Variants in DOCK1 observed in about 807,000 individuals in gnomAD.
DOCK1 encodes the protein dedicator of cytokinesis protein 1.
Under a neutral mutation model 262.7 loss-of-function variants are expected in DOCK1, and 138 were observed. That is an observed-to-expected ratio of 0.53 (90% confidence interval 0.46 to 0.61). DOCK1 has a LOEUF of 0.61. Among genes scored for constraint, DOCK1 ranks in the 20% least tolerant of loss-of-function variants. DOCK1 has a pLI of 0.00. For missense variants in DOCK1, 1,908 were observed against 2,370.7 expected, an observed-to-expected ratio of 0.80 and a Z score of 4.05; for synonymous variants, 866 against 867.4, an observed-to-expected ratio of 1.00 and a Z score of 0.03.
chr10:127,095,661 C>CTGTGTGTGTG lies in DOCK1; in HGVS notation c.2446-10549_2446-10540dup, dbSNP rs61224822. Among the ~76,000 whole-genome samples, 983 of 148,176 alleles carry CTGTGTGTGTG rather than the reference C, an allele frequency of 6.6e-3. 9 individuals carry two copies. Among genetic ancestry groups the CTGTGTGTGTG allele is most frequent in the East Asian group, 0.02 (98 of 4,970 alleles). On this transcript the variant is annotated intron_variant, in intron 23 of 51. Coordinates refer to ENST00000623213, the MANE Select transcript of DOCK1 (RefSeq NM_001290223.2). Reference sequence around the variant, plus strand: ...TGACACAACCACGTGGGCCAGGAAGCTGTGTGTGTGTGTGTGTGTGTGTGT... The same window carrying CTGTGTGTGTG: ...TGACACAACCACGTGGGCCAGGAAGCTGTGTGTGTGTGTGTGTGTGTGTGTGTGTGTGTGT...
chr10:127,261,902 ATGTG>A lies in DOCK1; in HGVS notation c.3044+4481_3044+4484del, dbSNP rs542700042. Among the ~76,000 whole-genome samples, 27 of 62,580 alleles carry A rather than the reference ATGTG, an allele frequency of 4.3e-4. No homozygotes were observed. The South Asian group carries it at 0.011, about 25-fold the overall frequency. The allele number at this position is 62,580 out of a possible 152,430, so 41.1% of individuals were successfully genotyped here. A position where few individuals can be genotyped will look rare whatever the true frequency, so the allele number is the denominator to read the frequency against. ...TACCCGTGCTCATCTGTGTGTGTGC[ATGTG>A]TGTGTGTACCCGTGCTCATCTGTGT... On this transcript the variant is annotated intron_variant, in intron 29 of 51. Coordinates refer to ENST00000623213, the MANE Select transcript of DOCK1 (RefSeq NM_001290223.2).
At position 127,126,590 on chromosome 10, in the gene DOCK1, G is replaced by T. The variant is rs1238560518; in HGVS notation, c.2751+989G>T. 2.0e-5 allele frequency among the ~76,000 whole-genome samples: 3 copies of T among 152,228 alleles called. No homozygotes were observed. In the East Asian group the frequency reaches 5.8e-4, roughly 30 times the overall value. Reference sequence around the variant, plus strand: ...TAGAAAATGAAAGAAAAAATAAAAAGCAAGTTTGTGCCAGCACATATGGAA... The same window carrying T: ...TAGAAAATGAAAGAAAAAATAAAAATCAAGTTTGTGCCAGCACATATGGAA... On this transcript the variant is annotated intron_variant, in intron 26 of 51. Coordinates refer to ENST00000623213, the MANE Select transcript of DOCK1 (RefSeq NM_001290223.2).
rs997881019 is a variant in DOCK1, at chr10:127,195,842, C to T, written c.2848-52166C>T. 2.6e-5 allele frequency among the ~76,000 whole-genome samples: 4 copies of T among 152,186 alleles called. No homozygotes were observed. In the South Asian group the frequency reaches 6.2e-4, roughly 24 times the overall value. ...CGCTCCCGGCTGCACCGGGGTGTCC[C>T]GGCCCCGGGAGCCGCCGAGTTTCCG... is the stretch of plus-strand genomic sequence containing the variant. On this transcript the variant is annotated intron_variant, in intron 27 of 51. Transcript: ENST00000623213.
chr10:127,156,694 G>A (rs1476887013), intron 27 of DOCK1, among the ~76,000 whole-genome samples: 6 of 149,868 alleles, frequency 4.0e-5, no homozygotes, highest in Non-Finnish European at 7.4e-5. Context: ...TCAGCCTACC[G>A]AGTAGCTGGG....
At chr10:127,184,660 A>C (rs910743307) in intron 27 of DOCK1, among the ~76,000 whole-genome samples, 1 of 152,156 alleles carries the variant, frequency 6.6e-6, no homozygotes, top group Non-Finnish European at 1.5e-5. Context: ...TTGGCTACTC[A>C]GAAATGCTCC....
intron 11 of DOCK1, among the ~76,000 whole-genome samples, chr10:127,011,784 AT>A (rs201758444): frequency 0.026 from 3,815 of 146,150 alleles, 94 homozygotes; most frequent in East Asian, 0.09. Flanking sequence ...GGTTCCAGGG[AT>A]TTTTTTTTTT....
At chr10:127,055,902 T>C (rs1040675329) in intron 22 of DOCK1, among the ~76,000 whole-genome samples, 2 of 152,196 alleles carry the variant, frequency 1.3e-5, no homozygotes, top group South Asian at 2.1e-4. Context: ...ATGCCTGCAT[T>C]CTGGTGCTCA....
intron 1 of DOCK1, among the ~76,000 whole-genome samples, chr10:126,956,623 T>C (rs1158388005): frequency 6.6e-6 from 1 of 152,180 alleles, no homozygotes; most frequent in Non-Finnish European, 1.5e-5. Context: ...CAAATGTTTA[T>C]TGTGCACATG....
intron 28 of DOCK1, among the ~76,000 whole-genome samples, chr10:127,248,926 C>T (rs934455532): frequency 5.9e-5 from 9 of 152,128 alleles, no homozygotes; most frequent in Admixed American, 3.9e-4. Context: ...GTGAACTGTG[C>T]ATGCGAAGGA....
intron 1 of DOCK1, among the ~76,000 whole-genome samples, chr10:126,911,388 G>T (rs957095836): frequency 6.6e-6 from 1 of 152,192 alleles, no homozygotes; most frequent in African/African-American, 2.4e-5. Flanking sequence ...CCACTGAGCT[G>T]TGAAATTGTC....
At chr10:126,938,136 T>G (rs1471010949) in intron 1 of DOCK1, among the ~76,000 whole-genome samples, 1 of 151,650 alleles carries the variant, frequency 6.6e-6, no homozygotes, top group Non-Finnish European at 1.5e-5. Context: ...AACCTCTGCC[T>G]CCTGGGTTCA....
intron 29 of DOCK1, among the ~76,000 whole-genome samples, chr10:127,298,286 T>G (rs945462800): frequency 1.6e-4 from 25 of 152,228 alleles, no homozygotes; most frequent in Admixed American, 1.4e-3. Flanking sequence ...GCCCCTTTTT[T>G]GGGGGTTAGC....
chr10:127,176,083 C>T lies in DOCK1; in HGVS notation c.2847+48319C>T, dbSNP rs759326307. ...TTCTTAAGGTCGGGCGAGGTCTGCA[C>T]GCCTGTGCTCTTGGTGACGTTGGGG... On this transcript the variant is annotated intron_variant, in intron 27 of 51. Coordinates refer to ENST00000623213, the MANE Select transcript of DOCK1 (RefSeq NM_001290223.2). This position sits in a 1 kb window ranked among gnomAD's most constrained non-coding sequence, Gnocchi z 4.4. 2.1e-5 allele frequency: 34 copies of T among 1,613,988 alleles called. 1 individual carries two copies. The Middle Eastern group carries it at 4.9e-4, about 23-fold the overall frequency.
chr10:127,189,972 C>T (rs1192763519), intron 27 of DOCK1, among the ~76,000 whole-genome samples: 1 of 152,208 alleles, frequency 6.6e-6, no homozygotes, highest in Non-Finnish European at 1.5e-5. Context: ...CTCCTTCTCT[C>T]ATGCTGGCCC....
At chr10:127,388,125 A>C (rs2066245148) in intron 38 of DOCK1, among the ~76,000 whole-genome samples, 1 of 152,182 alleles carries the variant, frequency 6.6e-6, no homozygotes, top group Non-Finnish European at 1.5e-5. Context: ...TCCTTAGAAA[A>C]AATGAATTCA....
At chr10:127,401,728 T>TA (rs55973432) in intron 38 of DOCK1, among the ~76,000 whole-genome samples, 39,238 of 152,068 alleles carry the variant, frequency 0.26, 5,165 homozygotes, top group African/African-American at 0.28. Flanking sequence ...AGAGACAGTG[T>TA]ACACCTGCCT....
intron 21 of DOCK1, among the ~76,000 whole-genome samples, chr10:127,047,880 T>C (rs2135697888): frequency 6.6e-6 from 1 of 152,388 alleles, no homozygotes; most frequent in Non-Finnish European, 1.5e-5. Context: ...TATTTTATTG[T>C]ATGAATATTT....
At chr10:127,147,950 C>T (rs938504819) in intron 27 of DOCK1, among the ~76,000 whole-genome samples, 2 of 141,612 alleles carry the variant, frequency 1.4e-5, no homozygotes, top group African/African-American at 5.2e-5. Flanking sequence ...AGAATTGCTT[C>T]AACCCAGGAG....
chr10:127,280,256 C>G (rs1317531915), intron 29 of DOCK1, among the ~76,000 whole-genome samples: 5 of 151,582 alleles, frequency 3.3e-5, no homozygotes, highest in Middle Eastern at 6.8e-3. Context: ...GGATGGTCTC[C>G]ATCTCCTGAC....
Sources: gnomAD v4.1 joint callset for allele counts (sites outside exome capture counted in the v4.1 genomes callset) on GRCh38, gnomAD v4.1.1 for gene constraint, Gnocchi (gnomAD v3.1) non-coding constraint, MANE v1.5 for transcripts, NCBI Gene and HGNC (gene_info 2026-07-23, HGNC 2026-07-21) for gene names.